DNM3: variants seen among roughly 807,000 people sequenced by gnomAD.
DNM3 encodes dynamin 3, also known as dynamin-3.
Under a neutral mutation model 101.6 loss-of-function variants are expected in DNM3, and 47 were observed. The observed-to-expected ratio is 0.46, with a 90% CI of 0.37 to 0.59. The LOEUF is 0.59. Among genes scored for constraint, DNM3 ranks in the 20% least tolerant of loss-of-function variants. The pLI, the probability that DNM3 is intolerant of heterozygous loss-of-function variation, is 0.00. For missense variants in DNM3, 849 were observed against 1,085.7 expected, an observed-to-expected ratio of 0.78 and a Z score of 3.06; for synonymous variants, 385 against 387.9, an observed-to-expected ratio of 0.99 and a Z score of 0.09.
At chr1:172,081,941 T>G in intron 12 of DNM3, 39 bp downstream of exon 12, 1 of 1,586,544 alleles carries the variant, frequency 6.3e-7, no homozygotes, top group African/African-American at 1.3e-5. Context: ...ATTCCTCCTG[T>G]TGATTTGTCT....
intron 17 of DNM3, among the ~76,000 whole-genome samples, chr1:172,346,074 G>C (rs1431187511): frequency 7.1e-6 from 1 of 140,616 alleles, no homozygotes; most frequent in Non-Finnish European, 1.5e-5. Flanking sequence ...AGTGAGCCGA[G>C]ATCGTGCCAC....
At chr1:172,387,433 G>A (rs188403756) in intron 19 of DNM3, 74 bp downstream of exon 19, 116 of 1,242,916 alleles carry the variant, frequency 9.3e-5, no homozygotes, top group African/African-American at 4.2e-4. Flanking sequence ...CGAGGCGGGC[G>A]GATCACGAGG....
chr1:171,896,581 A>G (rs1323522335), intron 1 of DNM3, among the ~76,000 whole-genome samples: 1 of 152,246 alleles, frequency 6.6e-6, no homozygotes, highest in Admixed American at 6.5e-5. Context: ...ATATACAATC[A>G]TGTCATCTGT....
Position 172,411,956 on chromosome 1 carries a change from G to A in DNM3, c.*4115G>A, listed in dbSNP as rs2071234028. ...CTAGATACTCTTACTCATCCTGTCT[G>A]GTTGCTATGTTTAAAATTATGTGGT... On this transcript the variant is annotated 3_prime_UTR_variant, in exon 21 of 21. Coordinates refer to ENST00000627582, the MANE Select transcript of DNM3 (RefSeq NM_015569.5). The A allele has an allele frequency of 1.0e-6, 1 of 985,582 alleles. No individual in the cohort carries two copies. The highest frequency in any genetic ancestry group is 1.7e-5 in the African/African-American group (1 of 57,210). 61.1% of individuals were successfully genotyped at this position (985,582 alleles called of 1,614,324 possible). A position where few individuals can be genotyped will look rare whatever the true frequency, so the allele number is the denominator to read the frequency against.
At chr1:172,250,319 A>T (rs2062119300) in intron 14 of DNM3, among the ~76,000 whole-genome samples, 1 of 152,250 alleles carries the variant, frequency 6.6e-6, no homozygotes, top group East Asian at 1.9e-4. Context: ...TTTGGAAAAG[A>T]TGTATTTGGT....
chr1:172,109,801 AC>A (rs1194349229), intron 13 of DNM3, among the ~76,000 whole-genome samples: 1 of 152,154 alleles, frequency 6.6e-6, no homozygotes, highest in African/African-American at 2.4e-5. Context: ...TACATACTTT[AC>A]TTTATTAAGT....
intron 4 of DNM3, among the ~76,000 whole-genome samples, chr1:172,012,629 C>G (rs2047204788): frequency 6.6e-6 from 1 of 151,842 alleles, no homozygotes. Context: ...TGCCTCTTTC[C>G]CTTTTCTTTT....
At chr1:172,300,893 C>T (rs1437624321) in intron 15 of DNM3, among the ~76,000 whole-genome samples, 1 of 152,190 alleles carries the variant, frequency 6.6e-6, no homozygotes, top group East Asian at 1.9e-4. Context: ...ATCTGAATTA[C>T]ACCACTAAAA....
chr1:172,308,954 T>C (rs1479397563), intron 16 of DNM3, 115 bp downstream of exon 16: 12 of 520,212 alleles, frequency 2.3e-5, no homozygotes, highest in Non-Finnish European at 3.9e-5. Flanking sequence ...AATTAATTAG[T>C]TACACTTTTA....
intron 13 of DNM3, among the ~76,000 whole-genome samples, chr1:172,096,083 A>T (rs981680503): frequency 6.6e-6 from 1 of 152,152 alleles, no homozygotes; most frequent in Non-Finnish European, 1.5e-5. Flanking sequence ...TCCTTTTCCA[A>T]GGCTAGCTAC....
intron 1 of DNM3, among the ~76,000 whole-genome samples, chr1:171,898,875 AT>A (rs1410342446): frequency 6.6e-6 from 1 of 151,952 alleles, no homozygotes; most frequent in African/African-American, 2.4e-5. Flanking sequence ...TGTTTATATT[AT>A]TTCTGATAAC....
At chr1:172,184,995 T>C (rs1388228980) in intron 14 of DNM3, among the ~76,000 whole-genome samples, 1 of 151,886 alleles carries the variant, frequency 6.6e-6, no homozygotes, top group Non-Finnish European at 1.5e-5. Context: ...ATCGAACATC[T>C]GGAATAGAAG....
At chr1:172,269,427 G>T (rs185290356) in intron 15 of DNM3, among the ~76,000 whole-genome samples, 1 of 152,148 alleles carries the variant, frequency 6.6e-6, no homozygotes. Context: ...TAATGATAGG[G>T]GACCCAATCG....
intron 17 of DNM3, among the ~76,000 whole-genome samples, chr1:172,346,372 G>T (rs2066941118): frequency 6.6e-6 from 1 of 152,178 alleles, no homozygotes; most frequent in Non-Finnish European, 1.5e-5. Flanking sequence ...AAGACTGAGG[G>T]GCCAGGGAGG....
chr1:172,279,686 A>G (rs568747293), intron 15 of DNM3, among the ~76,000 whole-genome samples: 119 of 152,034 alleles, frequency 7.8e-4, no homozygotes, highest in African/African-American at 2.7e-3. Context: ...ATCACCTTGG[A>G]TTTTTCTCTT....
intron 14 of DNM3, among the ~76,000 whole-genome samples, chr1:172,147,514 G>C (rs1044194705): frequency 6.6e-6 from 1 of 151,968 alleles, no homozygotes; most frequent in Non-Finnish European, 1.5e-5. Context: ...TATTATAAAG[G>C]GTTATTAAAA....
chr1:172,047,139 T>C (rs544700765), intron 9 of DNM3, among the ~76,000 whole-genome samples: 1 of 152,288 alleles, frequency 6.6e-6, no homozygotes, highest in Non-Finnish European at 1.5e-5. Flanking sequence ...TTGATTCCAT[T>C]GGCTATTTGA....
At chr1:172,121,633 C>T (rs549505563) in intron 13 of DNM3, among the ~76,000 whole-genome samples, 2 of 152,272 alleles carry the variant, frequency 1.3e-5, no homozygotes, top group African/African-American at 2.4e-5. Flanking sequence ...AAAGGGACTC[C>T]TTCAGTTGCA....
intron 15 of DNM3, among the ~76,000 whole-genome samples, chr1:172,303,460 G>A (rs1412957322): frequency 3.9e-5 from 6 of 152,188 alleles, no homozygotes; most frequent in African/African-American, 1.4e-4. Flanking sequence ...ACACTCTTCA[G>A]GCTATCATCC....
Sources: gnomAD v4.1 joint callset for allele counts (sites outside exome capture counted in the v4.1 genomes callset) on GRCh38, gnomAD v4.1.1 for gene constraint, MANE v1.5 for transcripts, NCBI Gene and HGNC (gene_info 2026-07-23, HGNC 2026-07-21) for gene names.